ARFGEF3: variants seen among roughly 807,000 people sequenced by gnomAD.
The protein encoded by ARFGEF3 is brefeldin A-inhibited guanine nucleotide-exchange protein 3.
In ARFGEF3, 96 loss-of-function variants were observed where a neutral mutation model predicts 221.7. The observed-to-expected ratio is 0.43, with a 90% confidence interval of 0.37 to 0.51. The LOEUF (loss-of-function observed/expected upper bound fraction) is 0.51. Ranked by LOEUF, ARFGEF3 falls within the 20% of genes least tolerant of loss-of-function variation. The pLI, the probability that ARFGEF3 is intolerant of heterozygous loss-of-function variation, is 0.00. For missense variants in ARFGEF3, 2,410 were observed against 2,789.9 expected (o/e 0.86, Z 3.07); for synonymous variants, 1,145 against 1,126.8 (o/e 1.02, Z -0.32).
At chr6:138,189,301 A>C (rs959076058) in intron 2 of ARFGEF3, among the ~76,000 whole-genome samples, 1 of 152,238 alleles carries the variant, frequency 6.6e-6, no homozygotes, top group South Asian at 2.1e-4. Flanking sequence ...TCAAAAGCCT[A>C]GGAAACATAA....
At chr6:138,336,159 T>C (rs1780317441) in intron 33 of ARFGEF3, 136 bp from the exon 34 acceptor site, 1 of 586,264 alleles carries the variant, frequency 1.7e-6, no homozygotes, top group Non-Finnish European at 2.9e-6. Context: ...ATTATAGGCA[T>C]ATTAAATGAG....
intron 28 of ARFGEF3, 107 bp from the exon 29 acceptor site, chr6:138,321,004 G>T: frequency 1.5e-6 from 1 of 669,590 alleles, no homozygotes; most frequent in South Asian, 1.9e-5. Flanking sequence ...CTTTTTCCCA[G>T]ATATTTGCTT....
intron 12 of ARFGEF3, among the ~76,000 whole-genome samples, chr6:138,272,224 C>T (rs755700325): frequency 1.3e-5 from 2 of 152,042 alleles, no homozygotes; most frequent in East Asian, 1.9e-4. Context: ...GGCACGATCT[C>T]GGCTCACTGC....
At position 138,262,812 on chromosome 6, in the gene ARFGEF3, G is replaced by T. The variant is rs267600841; in HGVS notation, c.1329G>T (p.Gly443=). The T allele has an allele frequency of 1.9e-6, 3 of 1,614,054 alleles. No individual in the cohort carries two copies. The highest frequency in any genetic ancestry group is 1.1e-5 in the South Asian group (1 of 91,080). The change falls in exon 12 of 34, where the codon GGG becomes GGT. Residue 443 remains glycine, a synonymous_variant. Transcript: ENST00000251691. ...GTGCCCTGGATGAGCTCAGCCAGGG[G>T]AAGGGCTTGAGCGAAGGTCAGGTGC... ...LLGALDELSQ[G]KGLSEGQVQL...
Position 138,334,956 on chromosome 6 carries a change from A to G in ARFGEF3, c.6110A>G (p.Asn2037Ser), listed in dbSNP as rs1780295137. 6.3e-7 allele frequency: 1 copy of G among 1,586,814 alleles called. No homozygotes were observed. Among genetic ancestry groups the G allele is most frequent in the African/African-American group, 1.3e-5 (1 of 74,298 alleles). ...TEYKKRKQQH[N>S]LSAFPKEVKV... The stretch of plus-strand genomic sequence containing the variant: ...TACAAAAAGAGGAAACAGCAGCACA[A>G]CCTGTCCGCGTTCCCCAAAGAGGTC... The change falls in exon 33 of 34, where the codon AAC becomes AGC. Residue 2037 changes from asparagine (N) to serine (S), a missense_variant. Transcript: ENST00000251691. The surrounding 1 kb of genome is among the most constrained non-coding windows in gnomAD (Gnocchi z 5.1).
chr6:138,191,782 C>T (rs1258629106), intron 2 of ARFGEF3, among the ~76,000 whole-genome samples: 3 of 152,174 alleles, frequency 2.0e-5, no homozygotes, highest in Non-Finnish European at 4.4e-5. Context: ...TTCTCTACTT[C>T]GTTTGCATGC....
intron 29 of ARFGEF3, among the ~76,000 whole-genome samples, chr6:138,322,049 C>CT (rs1780039824): frequency 6.6e-6 from 1 of 152,118 alleles, no homozygotes; most frequent in Non-Finnish European, 1.5e-5. Flanking sequence ...GGGTGTGTCT[C>CT]TGGGGGTGTT....
At chr6:138,262,435 G>T (rs943408421) in intron 11 of ARFGEF3, among the ~76,000 whole-genome samples, 1 of 152,038 alleles carries the variant, frequency 6.6e-6, no homozygotes, top group Non-Finnish European at 1.5e-5. Flanking sequence ...CAAGTGATCC[G>T]CCCACCTCAG....
At position 138,290,924 on chromosome 6, in the gene ARFGEF3, CAAGAA is replaced by C. The variant is rs111321904; in HGVS notation, c.3048-796_3048-792del. On this transcript the variant is annotated intron_variant, in intron 18 of 33. Coordinates refer to ENST00000251691, the MANE Select transcript of ARFGEF3 (RefSeq NM_020340.5). ...GACCTGCTGCTCTTTATTGCTCTAA[CAAGAA>C]AAGAAAAGAAAAAAGAAAATAAAAA... 9.3e-3 allele frequency among the ~76,000 whole-genome samples: 1,412 copies of C among 151,942 alleles called. 25 individuals carry two copies. The highest frequency in any genetic ancestry group is 0.033 in the African/African-American group (1,354 of 41,402).
In ARFGEF3 at chr6:138,344,402, CA is replaced by C. The variant is rs1401919879; in HGVS notation, c.*7919del. ...GTTTGGTCATATTTACTTAAAAAAA[CA>C]AACTGAAAATCACACTCCTTTATAT... On this transcript the variant is annotated 3_prime_UTR_variant, in exon 34 of 34. Transcript: ENST00000251691. 2 of 149,290 alleles carry C rather than the reference CA, an allele frequency of 1.3e-5. No homozygotes were observed. Among genetic ancestry groups the C allele is most frequent in the Non-Finnish European group, 2.9e-5 (2 of 67,978 alleles). 9.2% of individuals were successfully genotyped at this position (149,290 alleles called of 1,614,324 possible).
At chr6:138,333,007 T>G (rs56950300) in intron 32 of ARFGEF3, among the ~76,000 whole-genome samples, 2 of 152,370 alleles carry the variant, frequency 1.3e-5, no homozygotes, top group South Asian at 2.1e-4. Flanking sequence ...CAAAATGTTA[T>G]TAACATCATG....
intron 8 of ARFGEF3, among the ~76,000 whole-genome samples, chr6:138,253,345 C>T (rs1288674969): frequency 1.3e-5 from 2 of 151,896 alleles, no homozygotes; most frequent in Admixed American, 1.3e-4. Flanking sequence ...ACTGTATTAT[C>T]TTGCTGAGGC....
intron 12 of ARFGEF3, among the ~76,000 whole-genome samples, chr6:138,267,614 A>G (rs1778922102): frequency 6.6e-6 from 1 of 152,216 alleles, no homozygotes; most frequent in African/African-American, 2.4e-5. Flanking sequence ...ATTAAGAAAT[A>G]TAATCCTAGC....
In ARFGEF3 at chr6:138,323,767, A is replaced by G. The variant is rs200190837; in HGVS notation, c.4863A>G (p.Pro1621=). 1.6e-4 allele frequency: 256 copies of G among 1,613,804 alleles called. 1 individual carries two copies. The highest frequency in any genetic ancestry group is 2.1e-4 in the Non-Finnish European group (247 of 1,179,832). ...ATGCGTTCTCTGCCACACTCAAGCC[A>G]GTGAAGGTACATCACTGGGAGGAAG... The part of the protein sequence containing the change: ...LQDAFSATLK[P]VKDLLGCFHS... Residue 1621 remains proline (P), a synonymous_variant, in exon 30 of 34, where the codon CCA becomes CCG. Transcript: ENST00000251691.
rs115264511 is a variant in ARFGEF3, at chr6:138,275,903, G to A, written c.2129-2548G>A. On this transcript the variant is annotated intron_variant, in intron 12 of 33. Transcript: ENST00000251691. ...TCTTTGACTGTTAATTCTAGAAAAC[G>A]CTTACATTTCATATGAGCCATATTT... is the stretch of plus-strand genomic sequence containing the variant. Among the ~76,000 whole-genome samples the A allele has an allele frequency of 5.1e-3, 781 of 152,128 alleles. 8 individuals carry two copies. Among genetic ancestry groups the A allele is most frequent in the African/African-American group, 0.018 (746 of 41,514 alleles).
At chr6:138,277,229 T>C (rs1330622128) in intron 12 of ARFGEF3, among the ~76,000 whole-genome samples, 1 of 152,234 alleles carries the variant, frequency 6.6e-6, no homozygotes, top group African/African-American at 2.4e-5. Flanking sequence ...ATCATATATA[T>C]TTGTTATTTT....
Position 138,334,579 on chromosome 6 carries a change from G to A in ARFGEF3, c.5733G>A (p.Leu1911=). The part of the protein sequence containing the change: ...VKRLHKLCME[L]CNNYIQMHLD... ...GGCTGCACAAGCTGTGCATGGAACTGTGCAACAACTACATCCAGATGCACT... is the reference window on the plus strand; with the variant it reads ...GGCTGCACAAGCTGTGCATGGAACTATGCAACAACTACATCCAGATGCACT... Residue 1911 remains leucine, a synonymous_variant, in exon 33 of 34, where the codon CTG becomes CTA. Coordinates refer to ENST00000251691, the MANE Select transcript of ARFGEF3 (RefSeq NM_020340.5). The surrounding 1 kb of genome is among the most constrained non-coding windows in gnomAD (Gnocchi z 5.1). 2 of 1,613,718 alleles carry A rather than the reference G, an allele frequency of 1.2e-6. No individual in the cohort carries two copies. Among genetic ancestry groups the A allele is most frequent in the South Asian group, 1.1e-5 (1 of 91,076 alleles).
At chr6:138,247,433 C>G (rs1778504508) in intron 8 of ARFGEF3, among the ~76,000 whole-genome samples, 1 of 152,164 alleles carries the variant, frequency 6.6e-6, no homozygotes. Flanking sequence ...GTCATGTGTT[C>G]ACTCTACCCA....
At chr6:138,235,417 A>G (rs1246761593) in intron 5 of ARFGEF3, among the ~76,000 whole-genome samples, 6 of 152,206 alleles carry the variant, frequency 3.9e-5, no homozygotes, top group Admixed American at 2.6e-4. Context: ...GAGGTGCAGG[A>G]CTTAGGCTTT....
Sources: allele counts gnomAD v4.1 joint callset (sites outside exome capture counted in the v4.1 genomes callset), GRCh38; gene constraint gnomAD v4.1.1; non-coding constraint Gnocchi (gnomAD v3.1); transcripts MANE v1.5; gene names NCBI Gene and HGNC (gene_info 2026-07-23, HGNC 2026-07-21).